The following RMP64 variants were observed in gnomAD, a reference collection of about 807,000 sequenced individuals.
RMP64 encodes the protein ribonuclease MRP subunit p64.
At chr3:113,010,730 A>G in the RMP64 span, 1 of 1,587,838 alleles carries the variant, frequency 6.3e-7, no homozygotes, top group Middle Eastern at 1.7e-4. Context: ...AATTGCAGAT[A>G]CAAAACCTTA....
At chr3:113,019,641 C>T in the RMP64 span, 5 of 1,612,892 alleles carry the variant, frequency 3.1e-6, no homozygotes, top group African/African-American at 5.3e-5. Context: ...GGCACCGCAG[C>T]CATCATGCGA....
the RMP64 span, among the ~76,000 whole-genome samples, chr3:113,012,278 G>A: frequency 6.6e-6 from 1 of 152,190 alleles, no homozygotes; most frequent in East Asian, 1.9e-4. Context: ...TTAAAAATTA[G>A]AAACCGAGTG....
chr3:113,008,216 A>C, the RMP64 span: 1 of 1,614,178 alleles, frequency 6.2e-7, no homozygotes, highest in Non-Finnish European at 8.5e-7. Flanking sequence ...GCTTTTAAGA[A>C]GTTTGTTACC....
the RMP64 span, chr3:113,003,070 G>A: frequency 1.3e-5 from 2 of 152,762 alleles, no homozygotes; most frequent in Non-Finnish European, 2.9e-5. Context: ...GATAAAGTTG[G>A]TACTAGGATG....
At chr3:113,005,186 T>C in the RMP64 span, 1 of 285,230 alleles carries the variant, frequency 3.5e-6, no homozygotes, top group Non-Finnish European at 6.7e-6. Flanking sequence ...CAAGACACAA[T>C]GGTTTTTGCA....
At chr3:113,011,069 C>T in the RMP64 span, 8,609 of 1,601,718 alleles carry the variant, frequency 5.4e-3, 52 homozygotes, top group Non-Finnish European at 6.7e-3. Flanking sequence ...TTATTCTTTA[C>T]TGGCTGTCCA....
chr3:113,003,715 A>AGAT, the RMP64 span: 2 of 152,188 alleles, frequency 1.3e-5, no homozygotes, highest in Non-Finnish European at 2.9e-5. Context: ...TTCCAATGAA[A>AGAT]GATAAGCTCC....
the RMP64 span, chr3:113,011,113 T>A: frequency 6.2e-7 from 1 of 1,613,088 alleles, no homozygotes; most frequent in Non-Finnish European, 8.5e-7. Context: ...GATCTTCATT[T>A]GTTTAGCTTT....
At chr3:113,005,728 C>T in the RMP64 span, 1 of 1,613,886 alleles carries the variant, frequency 6.2e-7, no homozygotes, top group East Asian at 2.2e-5. Flanking sequence ...TCAAGAGCTG[C>T]TTACTGTTAG....
chr3:113,005,342 AAAAG>A, the RMP64 span: 1 of 578,260 alleles, frequency 1.7e-6, no homozygotes, highest in Non-Finnish European at 3.1e-6. Context: ...TTGAAGCCAA[AAAAG>A]AAATACTTGT....
At chr3:113,012,803 ACAGT>A in the RMP64 span, 2 of 1,598,064 alleles carry the variant, frequency 1.3e-6, no homozygotes, top group Non-Finnish European at 1.7e-6. Flanking sequence ...TAGATGTTTC[ACAGT>A]CAAACTGGAA....
At chr3:113,014,094 G>T in the RMP64 span, 1 of 991,514 alleles carries the variant, frequency 1.0e-6, no homozygotes, top group Non-Finnish European at 1.6e-6. Context: ...CACTGATTAT[G>T]ACCAGGAAAG....
the RMP64 span, chr3:113,008,349 G>A: frequency 3.3e-5 from 53 of 1,613,512 alleles, no homozygotes; most frequent in Middle Eastern, 1.6e-4. Context: ...CTTTTGGCAT[G>A]AGGAGTTCCT....
chr3:113,018,832 G>C, the RMP64 span, among the ~76,000 whole-genome samples: 5 of 152,152 alleles, frequency 3.3e-5, no homozygotes, highest in African/African-American at 1.2e-4. Context: ...TTGAAAGTGA[G>C]ATCAGTGAGG....
At chr3:113,008,576 C>A in the RMP64 span, 5 of 658,882 alleles carry the variant, frequency 7.6e-6, no homozygotes, top group Non-Finnish European at 1.3e-5. Context: ...ACCCCATTTA[C>A]CCTGTGGTTA....
chr3:113,006,780 TG>T, the RMP64 span, among the ~76,000 whole-genome samples: 12 of 152,184 alleles, frequency 7.9e-5, no homozygotes, highest in Admixed American at 6.5e-5. Context: ...GGCTTTTAAG[TG>T]GGGAGAAGGT....
the RMP64 span, chr3:113,010,644 T>G: frequency 6.2e-7 from 1 of 1,612,744 alleles, no homozygotes; most frequent in African/African-American, 1.3e-5. Context: ...CAGACAAACC[T>G]GAGTAGCTTT....
At chr3:113,011,128 G>C in the RMP64 span, 1 of 1,612,388 alleles carries the variant, frequency 6.2e-7, no homozygotes, top group Non-Finnish European at 8.5e-7. Context: ...AGCTTTTTTT[G>C]AAATTCCAAG....
At chr3:113,010,530 A>T in the RMP64 span, 2 of 819,544 alleles carry the variant, frequency 2.4e-6, no homozygotes. Flanking sequence ...CTAAGAAGGC[A>T]CTAAGCTTAG....
Sources: gnomAD v4.1 joint callset for allele counts (sites outside exome capture counted in the v4.1 genomes callset) on GRCh38, gnomAD v4.1.1 for gene constraint, MANE v1.5 for transcripts, NCBI Gene and HGNC (gene_info 2026-07-23, HGNC 2026-07-21) for gene names.